ZP2: variants seen among roughly 807,000 people sequenced by gnomAD.
The protein encoded by ZP2 is zona pellucida sperm-binding protein 2.
Under a neutral mutation model 84.0 loss-of-function variants are expected in ZP2, and 51 were observed. The ratio of observed to expected loss-of-function variants is 0.61; its 90% CI spans 0.49 to 0.77. ZP2 has a LOEUF of 0.77. Among genes scored for constraint, ZP2 ranks in the 30% least tolerant of loss-of-function variants. The pLI, the probability that ZP2 is intolerant of heterozygous loss-of-function variation, is 0.00. For synonymous variants in ZP2, 375 were observed against 330.9 expected, an observed-to-expected ratio of 1.13 and a Z score of -1.45; for missense variants, 909 against 911.9, an observed-to-expected ratio of 1.00 and a Z score of 0.04.
At chr16:21,202,390 C>T (rs943460923) in intron 10 of ZP2, 99 bp from the exon 11 acceptor site, 1 of 1,087,282 alleles carries the variant, frequency 9.2e-7, no homozygotes, top group Non-Finnish European at 1.3e-6. Flanking sequence ...TCTAATTTAG[C>T]AGGAGGCATC....
rs748677802 is a variant in ZP2, at chr16:21,204,059, G to A, written c.943C>T (p.His315Tyr). ...GTTTTGAGCAGAGTTTTGCTGAAATGCAATTTCATGCCATTTGTTGCTTCT... is the reference window on the plus strand; with the variant it reads ...GTTTTGAGCAGAGTTTTGCTGAAATACAATTTCATGCCATTTGTTGCTTCT... ...DLEATNGMKL[H>Y]FSKTLLKTKL... is the part of the protein sequence containing the mutation. Residue 315 changes from histidine (H) to tyrosine (Y), a missense_variant, in exon 9 of 19, where the codon CAT becomes TAT. Transcript: ENST00000574091. The A allele has an allele frequency of 6.2e-7, 1 of 1,613,932 alleles. No individual in the cohort carries two copies. The highest frequency in any genetic ancestry group is 8.5e-7 in the Non-Finnish European group (1 of 1,180,032).
At position 21,211,307 on chromosome 16, in the gene ZP2, C is replaced by A; in HGVS notation, c.151G>T (p.Gly51Cys). 1 of 1,613,928 alleles carries A rather than the reference C, an allele frequency of 6.2e-7. No individual in the cohort carries two copies. Among genetic ancestry groups the A allele is most frequent in the South Asian group, 1.1e-5 (1 of 91,054 alleles). Reference sequence around the variant, plus strand: ...GACTTCTGTCACCCAAGAGACATACCTGGAAAGGCAGGATTTACCAACTGA... The same window carrying A: ...GACTTCTGTCACCCAAGAGACATACATGGAAAGGCAGGATTTACCAACTGA... ...VSQLVNPAFP[G>C]TVTCDEREIT... The change falls in exon 2 of 19, where the codon GGC (glycine) becomes TGC (cysteine). Residue 51 changes from glycine (G) to cysteine (C), a missense_variant and splice_region_variant. Coordinates refer to ENST00000574091, the MANE Select transcript of ZP2 (RefSeq NM_001376232.1).
chr16:21,204,459 C>A, intron 7 of ZP2, 55 bp from the exon 8 acceptor site: 3 of 1,437,562 alleles, frequency 2.1e-6, no homozygotes, highest in Non-Finnish European at 2.9e-6. Context: ...GAATCTCTAA[C>A]CAGTAAGAAT....
chr16:21,211,696 G>A (rs759475359), upstream of ZP2: 1 of 1,538,552 alleles, frequency 6.5e-7, no homozygotes. Flanking sequence ...ATTGGGGAAG[G>A]AAGTGGCCTC....
At chr16:21,200,004 CTTTG>C in intron 14 of ZP2, 126 bp from the exon 15 acceptor site, 1 of 1,191,112 alleles carries the variant, frequency 8.4e-7, no homozygotes, top group African/African-American at 1.5e-5. Context: ...CTACCAGCAC[CTTTG>C]TTTTACTCAG....
chr16:21,204,463 T>C lies in ZP2; in HGVS notation c.694-59A>G, dbSNP rs2093240690. On this transcript the variant is annotated intron_variant, in intron 7 of 18. Coordinates refer to ENST00000574091, the MANE Select transcript of ZP2 (RefSeq NM_001376232.1). The stretch of plus-strand genomic sequence containing the variant: ...ATTGGTTACTTGAATCTCTAACCAG[T>C]AAGAATCATCTTGGCAAGTATATAT... The C allele has an allele frequency of 3.6e-6, 5 of 1,407,404 alleles. No individual in the cohort carries two copies. In the South Asian group the frequency reaches 6.1e-5, roughly 17 times the overall value. The allele number at this position is 1,407,404 out of a possible 1,614,324, so 87.2% of individuals were successfully genotyped here.
In ZP2 at chr16:21,211,559, CT is replaced by C. The variant is rs1196251199; in HGVS notation, c.-13del. The C allele has an allele frequency of 2.5e-6, 4 of 1,613,974 alleles. No individual in the cohort carries two copies. In the African/African-American group the frequency reaches 5.3e-5, roughly 22 times the overall value. ...TGCCTGCACGCCATAGCAGAAGACA[CT>C]ACCAGATCAACCAGGTAGAGGGTAG... On this transcript the variant is annotated 5_prime_UTR_variant, in exon 1 of 19. Coordinates refer to ENST00000574091, the MANE Select transcript of ZP2 (RefSeq NM_001376232.1).
intron 16 of ZP2, 117 bp downstream of exon 16, chr16:21,199,453 A>G: frequency 1.1e-6 from 1 of 933,450 alleles, no homozygotes; most frequent in Non-Finnish European, 1.6e-6. Flanking sequence ...CTGGGCCAAC[A>G]AGAGCTCTGG....
chr16:21,205,851 G>T, intron 5 of ZP2, 76 bp from the exon 6 acceptor site: 1 of 1,501,172 alleles, frequency 6.7e-7, no homozygotes, highest in Non-Finnish European at 9.2e-7. Context: ...AAATTGCTGT[G>T]TGGTTGTCAT....
intron 7 of ZP2, 69 bp from the exon 8 acceptor site, chr16:21,204,473 C>T: frequency 1.5e-6 from 2 of 1,316,556 alleles, no homozygotes; most frequent in Non-Finnish European, 2.2e-6. Flanking sequence ...TAAGAATCAT[C>T]TTGGCAAGTA....
Position 21,202,303 on chromosome 16 carries a change from T to A in ZP2, c.1100-12A>T. 1 of 1,492,644 alleles carries A rather than the reference T, an allele frequency of 6.7e-7. No individual in the cohort carries two copies. The highest frequency in any genetic ancestry group is 8.9e-7 in the Non-Finnish European group (1 of 1,124,346). The allele number at this position is 1,492,644 out of a possible 1,614,324, so 92.5% of individuals were successfully genotyped here. A position where few individuals can be genotyped will look rare whatever the true frequency, so the allele number is the denominator to read the frequency against. ...CAGCTCCCCTGTAACTAGACAGCGG[T>A]GAAAGTTTAGAGAAAATAAGTTTGT... On this transcript the variant is annotated splice_polypyrimidine_tract_variant and intron_variant, in intron 10 of 18. Transcript: ENST00000574091.
chr16:21,207,935 A>G (rs375637984), intron 4 of ZP2, among the ~76,000 whole-genome samples: 3 of 151,944 alleles, frequency 2.0e-5, no homozygotes, highest in East Asian at 3.9e-4. Context: ...AAAAAAACCC[A>G]TGAACTAGGC....
intron 12 of ZP2, 25 bp from the exon 13 acceptor site, chr16:21,201,855 G>A (rs2093227088): frequency 6.2e-7 from 1 of 1,613,166 alleles, no homozygotes. Context: ...AGGGAAGGTA[G>A]GTACAGAAAA....
At chr16:21,205,695 G>T in intron 6 of ZP2, 36 bp downstream of exon 6, 1 of 1,613,752 alleles carries the variant, frequency 6.2e-7, no homozygotes, top group South Asian at 1.1e-5. Flanking sequence ...AGAATTAAAG[G>T]TTATTAAGGT....
chr16:21,202,420 TTA>T (rs1158213208), intron 10 of ZP2, 129 bp from the exon 11 acceptor site: 3 of 796,542 alleles, frequency 3.8e-6, no homozygotes, highest in Non-Finnish European at 5.5e-6. Context: ...CTTGAAGTCT[TTA>T]TGAGGGAACC....
intron 14 of ZP2, among the ~76,000 whole-genome samples, chr16:21,200,827 C>G (rs2093221602): frequency 6.6e-6 from 1 of 152,172 alleles, no homozygotes; most frequent in African/African-American, 2.4e-5. Context: ...ACCAGTCTTT[C>G]CAGATGATCA....
intron 17 of ZP2, 106 bp from the exon 18 acceptor site, chr16:21,197,955 G>C: frequency 9.3e-7 from 1 of 1,076,622 alleles, no homozygotes; most frequent in Non-Finnish European, 1.4e-6. Flanking sequence ...GCTATCTCAG[G>C]TAAGGGTATG....
chr16:21,198,073 A>G, intron 17 of ZP2: 1 of 472,536 alleles, frequency 2.1e-6, no homozygotes, highest in South Asian at 3.4e-5. Context: ...TTTGACTACT[A>G]TACAAGAAAT....
At chr16:21,210,901 C>G (rs1327903576) in intron 2 of ZP2, among the ~76,000 whole-genome samples, 4 of 147,302 alleles carry the variant, frequency 2.7e-5, no homozygotes, top group African/African-American at 1.0e-4. Flanking sequence ...TTTTAAAGAT[C>G]AAGTTTTGCC....
Sources: gnomAD v4.1 joint callset for allele counts (sites outside exome capture counted in the v4.1 genomes callset) on GRCh38, gnomAD v4.1.1 for gene constraint, MANE v1.5 for transcripts, NCBI Gene and HGNC (gene_info 2026-07-23, HGNC 2026-07-21) for gene names.